The following RANBP2 variants were observed in gnomAD, a reference collection of about 807,000 sequenced individuals.
RANBP2 encodes RAN binding protein 2, also known as E3 SUMO-protein ligase RanBP2.
RANBP2 carries 57 observed loss-of-function variants against 303.6 expected under a neutral mutation model. The observed-to-expected ratio is 0.19, with a 90% CI of 0.15 to 0.23. The LOEUF is 0.23. Ranked by LOEUF, RANBP2 falls within the 10% of genes least tolerant of loss-of-function variation. The pLI, the probability that RANBP2 is intolerant of heterozygous loss-of-function variation, is 1.00. For missense variants in RANBP2, 3,138 were observed against 3,780.8 expected, an observed-to-expected ratio of 0.83 and a Z score of 4.46; for synonymous variants, 1,167 against 1,301.5, an observed-to-expected ratio of 0.90 and a Z score of 2.23.
rs371034684 is a variant in RANBP2 at position 108,765,784 on chromosome 2, T to C, written c.5245T>C (p.Cys1749Arg). ...TGCTACCAAATGTATTGCTTGTCAG[T>C]GTCCAAGTAAACAAAATCAAACAAC... Reference protein sequence around the residue: ...ASATKCIACQCPSKQNQTTAI... With the variant: ...ASATKCIACQRPSKQNQTTAI... The change falls in exon 20 of 29, where the codon TGT (cysteine) becomes CGT (arginine). Residue 1749 changes from cysteine (C) to arginine (R), a missense_variant. This residue lies in a region of RANBP2 where 348 missense variants were observed against 360.4 expected (regional missense o/e 0.97). Coordinates refer to ENST00000283195, the MANE Select transcript of RANBP2 (RefSeq NM_006267.5). The C allele has an allele frequency of 1.9e-6, 3 of 1,613,824 alleles. No homozygotes were observed. Among genetic ancestry groups the C allele is most frequent in the South Asian group, 2.2e-5 (2 of 91,064 alleles).
chr2:109,112,418 GCATAAATGTCTT>G, the RANBP2 span, among the ~76,000 whole-genome samples: 1 of 152,142 alleles, frequency 6.6e-6, no homozygotes, highest in Non-Finnish European at 1.5e-5. Flanking sequence ...TTTTTTGGCT[GCATAAATGTCTT>G]CTTTTGAGAA....
the RANBP2 span, among the ~76,000 whole-genome samples, chr2:109,306,101 C>T: frequency 2.0e-5 from 3 of 152,204 alleles, no homozygotes; most frequent in African/African-American, 4.8e-5. Flanking sequence ...GTCTACCTCA[C>T]GCTAAAGTTG....
the RANBP2 span, among the ~76,000 whole-genome samples, chr2:109,177,145 A>G: frequency 6.6e-6 from 1 of 152,182 alleles, no homozygotes; most frequent in South Asian, 2.1e-4. Flanking sequence ...ATCTGCCTTT[A>G]TCTTTTCTTT....
At chr2:109,625,826 T>G in the RANBP2 span, among the ~76,000 whole-genome samples, 1 of 152,160 alleles carries the variant, frequency 6.6e-6, no homozygotes, top group African/African-American at 2.4e-5. Context: ...AACAATAATA[T>G]TCTGTTTCAT....
chr2:109,119,874 T>G, the RANBP2 span, among the ~76,000 whole-genome samples: 2 of 152,294 alleles, frequency 1.3e-5, no homozygotes, highest in African/African-American at 4.8e-5. Context: ...GTACATTGCT[T>G]TAAGTTGAAA....
chr2:108,922,142 T>C, the RANBP2 span, among the ~76,000 whole-genome samples: 1 of 152,254 alleles, frequency 6.6e-6, no homozygotes, highest in Admixed American at 6.5e-5. Flanking sequence ...TGAGAACTCT[T>C]GAACAGAAAA....
chr2:109,570,557 C>G, the RANBP2 span, among the ~76,000 whole-genome samples: 1 of 150,786 alleles, frequency 6.6e-6, no homozygotes, highest in Non-Finnish European at 1.5e-5. Context: ...CGGAGTCTAG[C>G]TCTGTTGCCC....
chr2:109,403,439 G>T, the RANBP2 span, among the ~76,000 whole-genome samples: 8 of 152,358 alleles, frequency 5.3e-5, no homozygotes, highest in African/African-American at 1.9e-4. Context: ...GGCCCCAGGG[G>T]TAGTGGTGAC....
the RANBP2 span, chr2:109,564,299 G>C: frequency 6.6e-6 from 9 of 1,358,028 alleles, no homozygotes; most frequent in Admixed American, 5.1e-5. Context: ...CATCATCCTG[G>C]ATATATAAAA....
the RANBP2 span, among the ~76,000 whole-genome samples, chr2:109,238,860 C>T: frequency 6.6e-6 from 1 of 152,152 alleles, no homozygotes; most frequent in African/African-American, 2.4e-5. Context: ...GCAGTCCCTT[C>T]TCTCTGTCCC....
At chr2:109,600,551 A>C in the RANBP2 span, among the ~76,000 whole-genome samples, 1 of 152,034 alleles carries the variant, frequency 6.6e-6, no homozygotes, top group Non-Finnish European at 1.5e-5. Context: ...AAAAAAAAAA[A>C]ACCACAAACT....
At chr2:109,041,655 C>T in the RANBP2 span, among the ~76,000 whole-genome samples, 3 of 144,604 alleles carry the variant, frequency 2.1e-5, no homozygotes, top group East Asian at 4.1e-4. Context: ...CCGAGGAGCT[C>T]GGACTACAGG....
chr2:109,389,620 C>T, the RANBP2 span, among the ~76,000 whole-genome samples: 1 of 152,196 alleles, frequency 6.6e-6, no homozygotes, highest in East Asian at 1.9e-4. Flanking sequence ...GCAAAGAAGA[C>T]ATGAGAAATT....
At chr2:109,320,713 C>T in the RANBP2 span, among the ~76,000 whole-genome samples, 1 of 152,206 alleles carries the variant, frequency 6.6e-6, no homozygotes, top group Admixed American at 6.5e-5. Flanking sequence ...GATATCAGCC[C>T]CGCAGATGAA....
At chr2:109,444,953 G>A in the RANBP2 span, among the ~76,000 whole-genome samples, 64 of 152,130 alleles carry the variant, frequency 4.2e-4, 1 homozygote, top group Non-Finnish European at 8.8e-5. Context: ...AAAACAGGAA[G>A]CTATGAAAAA....
the RANBP2 span, among the ~76,000 whole-genome samples, chr2:108,866,666 C>T: frequency 6.6e-6 from 1 of 152,072 alleles, no homozygotes; most frequent in East Asian, 1.9e-4. Context: ...AGGTGGATCA[C>T]GAGGTCAGGA....
At chr2:109,427,300 A>T in the RANBP2 span, among the ~76,000 whole-genome samples, 1 of 152,104 alleles carries the variant, frequency 6.6e-6, no homozygotes, top group African/African-American at 2.4e-5. Flanking sequence ...AGGTACTTAC[A>T]TTTTTTTAGA....
the RANBP2 span, among the ~76,000 whole-genome samples, chr2:109,199,597 T>TAC: frequency 3.7e-3 from 1 of 270 alleles, no homozygotes; most frequent in Non-Finnish European, 6.8e-3. Context: ...TGGAATGGAA[T>TAC]GGAATGGAAT....
chr2:109,144,486 A>C, the RANBP2 span, among the ~76,000 whole-genome samples: 1 of 152,238 alleles, frequency 6.6e-6, no homozygotes, highest in Admixed American at 6.5e-5. Context: ...GCTCACGCCC[A>C]GCTGTGGATG....
Sources: gnomAD v4.1 joint callset for allele counts (sites outside exome capture counted in the v4.1 genomes callset) on GRCh38, gnomAD v4.1.1 for gene constraint, gnomAD v4.1.1 regional missense constraint, MANE v1.5 for transcripts, NCBI Gene and HGNC (gene_info 2026-07-23, HGNC 2026-07-21) for gene names.